LINGO2: variants seen among roughly 807,000 people sequenced by gnomAD.
LINGO2 encodes leucine rich repeat and Ig domain containing 2, also known as leucine-rich repeat and immunoglobulin-like domain-containing nogo receptor-interacting protein 2.
A neutral mutation model predicts 30.6 loss-of-function variants in LINGO2; 14 were observed. The observed-to-expected ratio is 0.46, with a 90% confidence interval of 0.30 to 0.72. The LOEUF is 0.72. LINGO2 is among the 30% of genes least tolerant of loss of function. The pLI is 0.07. For synonymous variants in LINGO2, 317 were observed against 288.5 expected, an observed-to-expected ratio of 1.10 and a Z score of -1.00; for missense variants, 729 against 751.7, an observed-to-expected ratio of 0.97 and a Z score of 0.35.
chr9:29,047,051 A>AAAAAAAAAAC, the LINGO2 span, among the ~76,000 whole-genome samples: 6 of 106,908 alleles, frequency 5.6e-5, 1 homozygote, highest in African/African-American at 1.7e-4. Flanking sequence ...AAAAAAAAAA[A>AAAAAAAAAAC]CCAAAAACAA....
At chr9:27,954,650 AAC>A (rs745464315) in intron 5 of LINGO2, among the ~76,000 whole-genome samples, 40 of 152,326 alleles carry the variant, frequency 2.6e-4, no homozygotes, top group Non-Finnish European at 2.6e-4. Context: ...TGCTGCAATA[AAC>A]ATGGGCATAC....
In LINGO2 at chr9:27,950,693, C is replaced by T; in HGVS notation, c.-22G>A. ...GCATGACTCCACTTCTTAGTCTACA[C>T]CTTGGTCACGGGTCTGCATGGAAGG... is the stretch of plus-strand genomic sequence containing the variant. On this transcript the variant is annotated 5_prime_UTR_variant, in exon 6 of 6. The change creates a new upstream start codon in the 5' untranslated region. Coordinates refer to ENST00000379992, the Ensembl canonical transcript of LINGO2. 6.7e-7 allele frequency: 1 copy of T among 1,493,038 alleles called. No homozygotes were observed. Among genetic ancestry groups the T allele is most frequent in the Non-Finnish European group, 8.9e-7 (1 of 1,121,276 alleles). 92.5% of individuals were successfully genotyped at this position (1,493,038 alleles called of 1,614,324 possible). A position where few individuals can be genotyped will look rare whatever the true frequency, so the allele number is the denominator to read the frequency against.
At chr9:28,137,662 A>G (rs1008663802) in intron 4 of LINGO2, among the ~76,000 whole-genome samples, 1 of 151,996 alleles carries the variant, frequency 6.6e-6, no homozygotes, top group African/African-American at 2.4e-5. Context: ...GATAGAAAAG[A>G]TTTTTTCTGA....
chr9:28,707,456 G>A, the LINGO2 span, among the ~76,000 whole-genome samples: 117 of 152,170 alleles, frequency 7.7e-4, 4 homozygotes, highest in South Asian at 0.018. Flanking sequence ...AGAGTCTTTC[G>A]AAGTTAATTT....
the LINGO2 span, among the ~76,000 whole-genome samples, chr9:28,803,970 C>T: frequency 4.6e-5 from 7 of 152,032 alleles, no homozygotes; most frequent in Admixed American, 4.6e-4. Context: ...CATGATTTCT[C>T]TCATCCCAAT....
the LINGO2 span, among the ~76,000 whole-genome samples, chr9:28,869,452 T>A: frequency 6.6e-6 from 1 of 150,968 alleles, no homozygotes; most frequent in Non-Finnish European, 1.5e-5. Context: ...GGGGGAGGGG[T>A]CACAGAAAGA....
intron 1 of LINGO2, among the ~76,000 whole-genome samples, chr9:28,613,396 G>A (rs754787568): frequency 6.6e-5 from 10 of 151,622 alleles, no homozygotes; most frequent in Non-Finnish European, 1.3e-4. Flanking sequence ...GTGTGTGTGT[G>A]TATATAGCTA....
At chr9:28,619,854 A>G (rs1379746836) in intron 1 of LINGO2, among the ~76,000 whole-genome samples, 2 of 152,190 alleles carry the variant, frequency 1.3e-5, no homozygotes, top group Non-Finnish European at 2.9e-5. Flanking sequence ...TCATTTTTAA[A>G]AAGGTCTTGG....
chr9:28,953,062 T>G, the LINGO2 span, among the ~76,000 whole-genome samples: 2 of 152,156 alleles, frequency 1.3e-5, no homozygotes, highest in Non-Finnish European at 2.9e-5. Flanking sequence ...GGATAAACAA[T>G]GACTGGCCAT....
At chr9:28,044,819 T>TC (rs1824344756) in intron 4 of LINGO2, among the ~76,000 whole-genome samples, 1 of 152,154 alleles carries the variant, frequency 6.6e-6, no homozygotes, top group African/African-American at 2.4e-5. Flanking sequence ...CAGAGACTTT[T>TC]CCGTAGGTTG....
At chr9:28,624,631 C>CT (rs550727463) in intron 1 of LINGO2, among the ~76,000 whole-genome samples, 34,170 of 148,850 alleles carry the variant, frequency 0.23, 4,519 homozygotes, top group African/African-American at 0.36. Flanking sequence ...CTGTAGTTTT[C>CT]TTTTTTTTTA....
intron 4 of LINGO2, among the ~76,000 whole-genome samples, chr9:28,265,538 T>C (rs1350907342): frequency 6.6e-6 from 1 of 152,040 alleles, no homozygotes; most frequent in Admixed American, 6.6e-5. Flanking sequence ...ACTGTATTTA[T>C]GTAAGAAGAT....
chr9:28,195,485 C>G (rs1458044343), intron 4 of LINGO2, among the ~76,000 whole-genome samples: 2 of 150,588 alleles, frequency 1.3e-5, no homozygotes, highest in Non-Finnish European at 3.0e-5. Context: ...TTAAAAGATG[C>G]TTTTTCACTC....
the LINGO2 span, among the ~76,000 whole-genome samples, chr9:29,027,571 C>T: frequency 2.6e-4 from 39 of 152,260 alleles, no homozygotes; most frequent in East Asian, 7.0e-3. Flanking sequence ...CTACTGACCC[C>T]AAGTGATCAG....
At chr9:28,270,929 G>A (rs972364366) in intron 4 of LINGO2, among the ~76,000 whole-genome samples, 1 of 152,034 alleles carries the variant, frequency 6.6e-6, no homozygotes, top group Admixed American at 6.5e-5. Context: ...AACAGTGGGT[G>A]GCTGAGCAGA....
At chr9:28,338,947 AC>A (rs1825676856) in intron 3 of LINGO2, among the ~76,000 whole-genome samples, 3 of 152,074 alleles carry the variant, frequency 2.0e-5, no homozygotes, top group African/African-American at 7.2e-5. Flanking sequence ...AAACAAACAA[AC>A]AAACAAACGT....
intron 1 of LINGO2, among the ~76,000 whole-genome samples, chr9:28,647,617 T>C (rs763087103): frequency 7.9e-5 from 12 of 152,102 alleles, no homozygotes; most frequent in Non-Finnish European, 1.8e-4. Context: ...ACCAGCATTA[T>C]AAAGAAAATT....
chr9:27,982,392 T>G (rs1820922542), intron 5 of LINGO2, among the ~76,000 whole-genome samples: 1 of 151,904 alleles, frequency 6.6e-6, no homozygotes, highest in South Asian at 2.1e-4. Context: ...AACAGTTCAG[T>G]GTCAACACAT....
intron 1 of LINGO2, among the ~76,000 whole-genome samples, chr9:28,618,732 G>A (rs556009705): frequency 1.3e-5 from 2 of 152,050 alleles, no homozygotes; most frequent in East Asian, 3.9e-4. Flanking sequence ...ATGTTACCTT[G>A]ATCTCACCAG....
Sources: gnomAD v4.1 joint callset for allele counts (sites outside exome capture counted in the v4.1 genomes callset) on GRCh38, gnomAD v4.1.1 for gene constraint, MANE v1.5 for transcripts, NCBI Gene and HGNC (gene_info 2026-07-23, HGNC 2026-07-21) for gene names.